ADAMTS14: variants seen among roughly 807,000 people sequenced by gnomAD.
ADAMTS14 encodes the protein A disintegrin and metalloproteinase with thrombospondin motifs 14.
A neutral mutation model predicts 128.6 loss-of-function variants in ADAMTS14; 100 were observed. The observed-to-expected ratio is 0.78, with a 90% CI of 0.66 to 0.92. The LOEUF is 0.92. Ranked by LOEUF, ADAMTS14 falls within the 40% of genes least tolerant of loss-of-function variation. The pLI is 0.00. For missense variants in ADAMTS14, 1,562 were observed against 1,658.6 expected (o/e 0.94, Z 1.01); for synonymous variants, 665 against 653.8 (o/e 1.02, Z -0.26).
At chr10:70,700,845 G>A (rs1000254613) in intron 2 of ADAMTS14, among the ~76,000 whole-genome samples, 7 of 152,204 alleles carry the variant, frequency 4.6e-5, no homozygotes, top group Non-Finnish European at 8.8e-5. Context: ...CACACAGTAG[G>A]TATAAAGTCA....
chr10:70,684,228 C>T (rs7894569), intron 2 of ADAMTS14, among the ~76,000 whole-genome samples: 7,221 of 152,082 alleles, frequency 0.047, 310 homozygotes, highest in African/African-American at 0.11. Flanking sequence ...GAAGATAGTG[C>T]TAAACCATTC....
At chr10:70,726,931 C>T (rs550958314) in intron 4 of ADAMTS14, among the ~76,000 whole-genome samples, 1 of 152,330 alleles carries the variant, frequency 6.6e-6, no homozygotes, top group East Asian at 1.9e-4. Context: ...ATGGTCATTT[C>T]TTGTGGTGGG....
intron 4 of ADAMTS14, among the ~76,000 whole-genome samples, chr10:70,721,651 T>A (rs1841271213): frequency 6.6e-6 from 1 of 152,202 alleles, no homozygotes; most frequent in Non-Finnish European, 1.5e-5. Flanking sequence ...CCTTCCAAAG[T>A]GCTGGGATTA....
At chr10:70,700,390 G>T (rs1275379816) in intron 2 of ADAMTS14, among the ~76,000 whole-genome samples, 2 of 152,132 alleles carry the variant, frequency 1.3e-5, no homozygotes, top group Non-Finnish European at 2.9e-5. Context: ...TCTGCCTGCT[G>T]TGGAAACCTG....
intron 10 of ADAMTS14, among the ~76,000 whole-genome samples, chr10:70,737,128 T>C (rs1436836266): frequency 1.3e-5 from 2 of 152,152 alleles, no homozygotes; most frequent in Non-Finnish European, 2.9e-5. Flanking sequence ...AGGAACTTTA[T>C]GGGGTCCCTC....
intron 3 of ADAMTS14, among the ~76,000 whole-genome samples, chr10:70,705,366 C>T (rs1312727276): frequency 1.3e-5 from 2 of 152,224 alleles, no homozygotes; most frequent in Non-Finnish European, 2.9e-5. Flanking sequence ...GGGGTATGTG[C>T]TCCTGCAGCC....
At chr10:70,729,984 T>C in intron 5 of ADAMTS14, 118 bp from the exon 6 acceptor site, 2 of 1,205,072 alleles carry the variant, frequency 1.7e-6, no homozygotes, top group Non-Finnish European at 2.3e-6. Flanking sequence ...GATCTTGGGG[T>C]GGGTCCTGCA....
chr10:70,757,971 A>G lies in ADAMTS14; in HGVS notation c.2947A>G (p.Thr983Ala), dbSNP rs763523493. The G allele has an allele frequency of 1.9e-6, 3 of 1,610,830 alleles. No homozygotes were observed. The highest frequency in any genetic ancestry group is 2.5e-6 in the Non-Finnish European group (3 of 1,178,892). ...RLGAWSQCSA[T>A]CGEGIQQRQV... ...GACCCACCCACGGCAGTGCTCTGCC[A>G]CCTGTGGAGAGGGCATCCAGCAGCG... The change falls in exon 20 of 22, where the codon ACC becomes GCC. Residue 983 changes from threonine (T) to alanine (A), a missense_variant. By Grantham distance (58) the Thr-to-Ala change is moderately conservative (BLOSUM62 0). Transcript: ENST00000373207.
At chr10:70,730,032 G>A (rs1841583085) in intron 5 of ADAMTS14, 70 bp from the exon 6 acceptor site, 1 of 1,504,964 alleles carries the variant, frequency 6.6e-7, no homozygotes, top group South Asian at 1.3e-5. Context: ...GTAAGTGGGA[G>A]GAGAGAGGCC....
Position 70,730,243 on chromosome 10 carries a change from C to A in ADAMTS14, c.1096C>A (p.Pro366Thr). 1 of 1,613,778 alleles carries A rather than the reference C, an allele frequency of 6.2e-7. No individual in the cohort carries two copies. The highest frequency in any genetic ancestry group is 8.5e-7 in the Non-Finnish European group (1 of 1,179,806). ...GTTCCTCACCCGGCAGGACTTTGGGCCCTCAGGTATGCAAGGTACTGTATT... is the reference window on the plus strand; with the variant it reads ...GTTCCTCACCCGGCAGGACTTTGGGACCTCAGGTATGCAAGGTACTGTATT... Reference protein sequence around the residue: ...VVFLTRQDFGPSGYAPVTGMC... With the variant: ...VVFLTRQDFGTSGYAPVTGMC... The change falls in exon 6 of 22, where the codon CCC becomes ACC. Residue 366 changes from proline to threonine, a missense_variant. Pro to Thr is a conservative substitution (Grantham distance 38, BLOSUM62 -1). Transcript: ENST00000373207.
chr10:70,760,051 A>G (rs547123214), intron 21 of ADAMTS14, among the ~76,000 whole-genome samples: 1 of 152,326 alleles, frequency 6.6e-6, no homozygotes, highest in East Asian at 1.9e-4. Context: ...TTCTGATGCA[A>G]TAGGGCTGGG....
rs145552242 is a variant in ADAMTS14 at position 70,708,778 on chromosome 10, C to T, written c.870C>T (p.Ile290=). The change falls in exon 4 of 22, where the codon ATC becomes ATT. Residue 290 remains isoleucine (I), a splice_region_variant and synonymous_variant. Transcript: ENST00000373207. ...ACTATGTCCTCACCCTCATGAATAT[C>T]GTGAGTGTCCATGTGTCCTAGGACT... The part of the protein sequence containing the change: ...VQNYVLTLMN[I]VDEIYHDESL... 2.6e-5 allele frequency: 34 copies of T among 1,318,994 alleles called. No individual in the cohort carries two copies. The highest frequency in any genetic ancestry group is 8.2e-5 in the South Asian group (7 of 85,058). 81.7% of individuals were successfully genotyped at this position (1,318,994 alleles called of 1,614,324 possible). A position where few individuals can be genotyped will look rare whatever the true frequency, so the allele number is the denominator to read the frequency against.
At chr10:70,731,284 G>T (rs892469839) in intron 6 of ADAMTS14, among the ~76,000 whole-genome samples, 1 of 152,038 alleles carries the variant, frequency 6.6e-6, no homozygotes, top group South Asian at 2.1e-4. Flanking sequence ...CATAGACACA[G>T]ACATGCACAC....
chr10:70,704,870 A>G (rs1312615289), intron 3 of ADAMTS14, among the ~76,000 whole-genome samples: 3 of 152,050 alleles, frequency 2.0e-5, no homozygotes, highest in Admixed American at 6.6e-5. Context: ...ACACCCGTAC[A>G]CCCACACTCA....
At chr10:70,674,486 G>C in intron 1 of ADAMTS14, 70 bp from the exon 2 acceptor site, 1 of 1,494,374 alleles carries the variant, frequency 6.7e-7, no homozygotes. Flanking sequence ...CCCTGCCCGC[G>C]TGGGATTTCT....
chr10:70,693,209 C>G (rs892374267), intron 2 of ADAMTS14, among the ~76,000 whole-genome samples: 1 of 152,162 alleles, frequency 6.6e-6, no homozygotes, highest in African/African-American at 2.4e-5. Context: ...CCCCATGATC[C>G]AATCACCTCC....
In ADAMTS14 at chr10:70,672,775, T is replaced by G; in HGVS notation, c.-28T>G. The G allele has an allele frequency of 6.7e-7, 1 of 1,492,608 alleles. No homozygotes were observed. Among genetic ancestry groups the G allele is most frequent in the Non-Finnish European group, 8.9e-7 (1 of 1,125,830 alleles). The allele number at this position is 1,492,608 out of a possible 1,614,324, so 92.5% of individuals were successfully genotyped here. ...GCCTGGGACTTGGGGATCGGGCGCTTGCCCAGCCCGCGTCCCAGCGCGGCC... is the reference window on the plus strand; with the variant it reads ...GCCTGGGACTTGGGGATCGGGCGCTGGCCCAGCCCGCGTCCCAGCGCGGCC... On this transcript the variant is annotated 5_prime_UTR_variant, in exon 1 of 22. Coordinates refer to ENST00000373207, the MANE Select transcript of ADAMTS14 (RefSeq NM_080722.4).
chr10:70,733,493 G>T (rs556996672), intron 7 of ADAMTS14, among the ~76,000 whole-genome samples: 2 of 152,210 alleles, frequency 1.3e-5, no homozygotes, highest in African/African-American at 4.8e-5. Context: ...GGAAGCCAGC[G>T]AATGGCTATG....
chr10:70,760,839 T>C lies in ADAMTS14; in HGVS notation c.3658T>C (p.Ser1220Pro). 6.3e-7 allele frequency: 1 copy of C among 1,574,852 alleles called. No individual in the cohort carries two copies. Among genetic ancestry groups the C allele is most frequent in the Middle Eastern group, 1.7e-4 (1 of 5,856 alleles). ...RHPGTSLPAASPVT is the reference protein window; with the variant it reads ...RHPGTSLPAAPPVT ...TCCCGGCACCAGCCTCCCTGCTGCC[T>C]CCCCGGTGACATGAGCTGTGCCCTG... is the stretch of plus-strand genomic sequence containing the variant. The change falls in exon 22 of 22, where the codon TCC becomes CCC. Residue 1220 changes from serine to proline, a missense_variant. Coordinates refer to ENST00000373207, the MANE Select transcript of ADAMTS14 (RefSeq NM_080722.4).
Sources: gnomAD v4.1 joint callset for allele counts (sites outside exome capture counted in the v4.1 genomes callset) on GRCh38, gnomAD v4.1.1 for gene constraint, MANE v1.5 for transcripts, NCBI Gene and HGNC (gene_info 2026-07-23, HGNC 2026-07-21) for gene names.